The following RBFOX1 variants were observed in gnomAD, a reference collection of about 807,000 sequenced individuals.
RBFOX1 encodes the protein RNA binding protein fox-1 homolog 1.
Under a neutral mutation model 57.7 loss-of-function variants are expected in RBFOX1, and 8 were observed. The ratio of observed to expected loss-of-function variants is 0.14; its 90% CI spans 0.08 to 0.25. The LOEUF (loss-of-function observed/expected upper bound fraction) is 0.25, where lower values mean the gene tolerates loss of function less well. RBFOX1 is among the 10% of genes least tolerant of loss of function. The pLI is 1.00. For synonymous variants in RBFOX1, 326 were observed against 222.4 expected (o/e 1.47, Z -4.15); for missense variants, 611 against 548.5 (o/e 1.11, Z -1.14).
intron 4 of RBFOX1, among the ~76,000 whole-genome samples, chr16:7,401,181 C>A (rs993630631): frequency 1.3e-5 from 2 of 152,192 alleles, no homozygotes; most frequent in African/African-American, 2.4e-5. Flanking sequence ...AATGTATCTT[C>A]ATTGCATTTA....
intron 4 of RBFOX1, among the ~76,000 whole-genome samples, chr16:5,932,189 T>G (rs932861501): frequency 6.6e-6 from 1 of 152,102 alleles, no homozygotes; most frequent in Non-Finnish European, 1.5e-5. Context: ...AAGCCGAGAA[T>G]TTTCTGCTGT....
intron 3 of RBFOX1, among the ~76,000 whole-genome samples, chr16:5,619,884 AC>A (rs1281204969): frequency 6.6e-6 from 1 of 151,970 alleles, no homozygotes; most frequent in Non-Finnish European, 1.5e-5. Flanking sequence ...GTGGCCTAAG[AC>A]TTTAAAGAAG....
At chr16:5,450,041 A>G (rs1567527632) in intron 1 of RBFOX1, among the ~76,000 whole-genome samples, 1 of 152,204 alleles carries the variant, frequency 6.6e-6, no homozygotes, top group Admixed American at 6.5e-5. Context: ...GTACTGGGGT[A>G]AGTGCCCTGC....
At chr16:6,757,126 A>G (rs756766168) in intron 3 of RBFOX1, among the ~76,000 whole-genome samples, 16 of 152,234 alleles carry the variant, frequency 1.1e-4, no homozygotes, top group South Asian at 2.1e-4. Context: ...TAGAACGACT[A>G]TTATCAAAAA....
At chr16:6,200,098 C>A (rs2097205575) in intron 1 of RBFOX1, among the ~76,000 whole-genome samples, 1 of 152,054 alleles carries the variant, frequency 6.6e-6, no homozygotes, top group Admixed American at 6.6e-5. Flanking sequence ...CTGCAAGGAC[C>A]CCATTGGAAA....
In RBFOX1 at chr16:6,226,928, A is replaced by G. The variant is rs183615947; in HGVS notation, c.-126-90067A>G. Among the ~76,000 whole-genome samples, 448 of 149,114 alleles carry G rather than the reference A, an allele frequency of 3.0e-3. 1 individual carries two copies. Among genetic ancestry groups the G allele is most frequent in the African/African-American group, 1.0e-2 (403 of 40,372 alleles). The stretch of plus-strand genomic sequence containing the variant: ...GTTTGAGACCAGCCCGGCCAACATG[A>G]TGAAACCCCATCTCTACTAAAAAAA... On this transcript the variant is annotated intron_variant, in intron 1 of 15. Transcript: ENST00000550418.
At chr16:7,174,781 A>C (rs1601863570) in intron 4 of RBFOX1, among the ~76,000 whole-genome samples, 1 of 152,120 alleles carries the variant, frequency 6.6e-6, no homozygotes, top group Non-Finnish European at 1.5e-5. Context: ...CTCAGTCTCA[A>C]AACAAACAGA....
At chr16:6,918,595 G>A (rs1216756955) in intron 3 of RBFOX1, among the ~76,000 whole-genome samples, 1 of 152,098 alleles carries the variant, frequency 6.6e-6, no homozygotes, top group Non-Finnish European at 1.5e-5. Context: ...ACATAAAAAT[G>A]AATTATTTAT....
intron 2 of RBFOX1, among the ~76,000 whole-genome samples, chr16:5,531,923 C>G (rs2044494430): frequency 6.6e-6 from 1 of 151,948 alleles, no homozygotes; most frequent in Non-Finnish European, 1.5e-5. Context: ...CCTCAGCCTC[C>G]TGAATAGCTG....
intron 4 of RBFOX1, among the ~76,000 whole-genome samples, chr16:7,132,784 C>G (rs2070859924): frequency 6.6e-6 from 1 of 151,998 alleles, no homozygotes; most frequent in Admixed American, 6.6e-5. Flanking sequence ...AATACTGAAA[C>G]TCTTAGAAAC....
intron 1 of RBFOX1, among the ~76,000 whole-genome samples, chr16:5,440,484 CT>C (rs1193510295): frequency 1.3e-5 from 2 of 152,124 alleles, no homozygotes; most frequent in African/African-American, 4.8e-5. Flanking sequence ...GTCTCTAGGA[CT>C]TTTTTGACTT....
At chr16:5,748,252 A>T in intron 3 of RBFOX1, among the ~76,000 whole-genome samples, 1 of 151,992 alleles carries the variant, frequency 6.6e-6, no homozygotes, top group Non-Finnish European at 1.5e-5. Flanking sequence ...GTTTGTTATA[A>T]TTTCTGTTCT....
At chr16:7,244,182 C>T (rs938218194) in intron 4 of RBFOX1, among the ~76,000 whole-genome samples, 2 of 136,182 alleles carry the variant, frequency 1.5e-5, no homozygotes, top group African/African-American at 2.7e-5. Flanking sequence ...AGTAAATAAA[C>T]ATTTATAATA....
intron 1 of RBFOX1, among the ~76,000 whole-genome samples, chr16:6,293,693 G>C (rs7202627): frequency 6.6e-6 from 1 of 152,028 alleles, no homozygotes; most frequent in Non-Finnish European, 1.5e-5. Flanking sequence ...TTCAGCCCTC[G>C]TCGCCTGGTA....
At chr16:7,228,864 T>G (rs59851079) in intron 4 of RBFOX1, among the ~76,000 whole-genome samples, 15,732 of 152,198 alleles carry the variant, frequency 0.1, 2,318 homozygotes, top group African/African-American at 0.33. Flanking sequence ...AGTGAGTGTT[T>G]TACAGATCCA....
intron 3 of RBFOX1, among the ~76,000 whole-genome samples, chr16:5,795,231 C>A (rs1455903211): frequency 6.6e-6 from 1 of 152,162 alleles, no homozygotes; most frequent in Non-Finnish European, 1.5e-5. Context: ...CTCCCTATTA[C>A]TATGCCCAGT....
intron 3 of RBFOX1, among the ~76,000 whole-genome samples, chr16:6,826,162 A>G (rs998932018): frequency 3.9e-5 from 6 of 152,066 alleles, no homozygotes; most frequent in Non-Finnish European, 7.4e-5. Flanking sequence ...TCTGGAGAAG[A>G]CAGGACTCAT....
At chr16:6,372,907 C>T (rs8061381) in intron 2 of RBFOX1, among the ~76,000 whole-genome samples, 59,566 of 130,044 alleles carry the variant, frequency 0.46, 12,250 homozygotes, top group South Asian at 0.64. Context: ...TGGATGGAAG[C>T]GTAGTTGGTT....
At chr16:6,835,021 T>G (rs936419541) in intron 3 of RBFOX1, among the ~76,000 whole-genome samples, 1 of 151,710 alleles carries the variant, frequency 6.6e-6, no homozygotes, top group South Asian at 2.1e-4. Context: ...GCCTCCTGAG[T>G]AGCTGGGACT....
Sources: allele counts gnomAD v4.1 joint callset (sites outside exome capture counted in the v4.1 genomes callset), GRCh38; gene constraint gnomAD v4.1.1; transcripts MANE v1.5; gene names NCBI Gene and HGNC (gene_info 2026-07-23, HGNC 2026-07-21).